Variants in NRG1 observed in about 807,000 individuals in gnomAD.
The protein encoded by NRG1 is neuregulin 1, also known as pro-neuregulin-1, membrane-bound isoform.
Under a neutral mutation model 63.8 loss-of-function variants are expected in NRG1, and 18 were observed. That is an observed-to-expected ratio of 0.28 (90% CI 0.19 to 0.42). The LOEUF (loss-of-function observed/expected upper bound fraction) is 0.42, where lower values mean the gene tolerates loss of function less well. Ranked by LOEUF, NRG1 falls within the 10% of genes least tolerant of loss-of-function variation. The probability of loss-of-function intolerance (pLI) is 1.00; values close to 1 mark genes in which losing one functional copy is unlikely to be tolerated. For synonymous variants in NRG1, 302 were observed against 301.3 expected (o/e 1.00, Z -0.02); for missense variants, 762 against 814.7 (o/e 0.94, Z 0.79).
chr8:31,848,392 G>T (rs906234721), intron 1 of NRG1, among the ~76,000 whole-genome samples: 1 of 152,120 alleles, frequency 6.6e-6, no homozygotes, highest in Admixed American at 6.5e-5. Flanking sequence ...AAGGATCCAT[G>T]GAATTATGAT....
chr8:31,650,752 C>A (rs1301574279), intron 1 of NRG1, among the ~76,000 whole-genome samples: 1 of 143,038 alleles, frequency 7.0e-6, no homozygotes, highest in Non-Finnish European at 1.5e-5. Context: ...TGTCTTGCCT[C>A]ACTGGCAGCC....
chr8:32,127,084 T>C (rs1181048622), intron 1 of NRG1, among the ~76,000 whole-genome samples: 2 of 151,942 alleles, frequency 1.3e-5, no homozygotes, highest in African/African-American at 2.4e-5. Flanking sequence ...CCAATCTGTA[T>C]GTATGTAGTT....
chr8:32,757,145 A>G (rs1829831039), intron 9 of NRG1, among the ~76,000 whole-genome samples: 1 of 152,202 alleles, frequency 6.6e-6, no homozygotes. Context: ...ATAATCATTA[A>G]AATATTTTTT....
intron 1 of NRG1, among the ~76,000 whole-genome samples, chr8:32,342,920 T>G (rs1804257796): frequency 6.6e-6 from 1 of 152,194 alleles, no homozygotes; most frequent in Admixed American, 6.5e-5. Context: ...ACAACACAGA[T>G]GTGGGTGATT....
At chr8:31,925,469 T>A (rs1410484584) in intron 1 of NRG1, among the ~76,000 whole-genome samples, 1 of 152,060 alleles carries the variant, frequency 6.6e-6, no homozygotes, top group Admixed American at 6.5e-5. Flanking sequence ...TTATCGTGCT[T>A]GAGTTTGGTC....
intron 1 of NRG1, among the ~76,000 whole-genome samples, chr8:31,760,692 C>T (rs555871900): frequency 0.012 from 1,877 of 152,200 alleles, 34 homozygotes; most frequent in African/African-American, 0.042. Flanking sequence ...CCAAAAGACG[C>T]ATGAAAAAAT....
chr8:32,694,433 G>T (rs756962225), intron 5 of NRG1, among the ~76,000 whole-genome samples: 27 of 152,146 alleles, frequency 1.8e-4, no homozygotes, highest in Non-Finnish European at 3.2e-4. Context: ...GTCTCGTGAG[G>T]TGCTTCATTT....
At chr8:32,635,328 G>A (rs1851123484) in intron 5 of NRG1, among the ~76,000 whole-genome samples, 2 of 152,174 alleles carry the variant, frequency 1.3e-5, no homozygotes, top group African/African-American at 4.8e-5. Flanking sequence ...TTTGGAAATG[G>A]TAGCTATTTT....
chr8:31,809,105 T>A (rs1431997115), intron 1 of NRG1, among the ~76,000 whole-genome samples: 6 of 151,980 alleles, frequency 3.9e-5, no homozygotes. Context: ...CACATGGCCT[T>A]AGAAATGGGA....
At chr8:32,102,168 C>T (rs1357686555) in intron 1 of NRG1, among the ~76,000 whole-genome samples, 1 of 152,152 alleles carries the variant, frequency 6.6e-6, no homozygotes. Flanking sequence ...GACAGAGTCT[C>T]ACTCTGTTGC....
At chr8:32,431,654 G>A (rs1818164853) in intron 1 of NRG1, among the ~76,000 whole-genome samples, 2 of 151,812 alleles carry the variant, frequency 1.3e-5, no homozygotes, top group Middle Eastern at 3.2e-3. Flanking sequence ...CCCTGTCTGT[G>A]CTTATTTTGT....
chr8:32,028,600 T>A (rs1817814443), intron 1 of NRG1, among the ~76,000 whole-genome samples: 1 of 152,194 alleles, frequency 6.6e-6, no homozygotes, highest in African/African-American at 2.4e-5. Context: ...GTGTACTGAA[T>A]AACTGAATGT....
chr8:32,593,003 A>G (rs1842780626), intron 1 of NRG1, among the ~76,000 whole-genome samples: 1 of 152,202 alleles, frequency 6.6e-6, no homozygotes, highest in Non-Finnish European at 1.5e-5. Flanking sequence ...CATAAAGAAA[A>G]TATTACAAGG....
chr8:32,464,667 G>T (rs1822836589), intron 1 of NRG1, among the ~76,000 whole-genome samples: 1 of 151,030 alleles, frequency 6.6e-6, no homozygotes, highest in African/African-American at 2.4e-5. Context: ...CCAGACCGTG[G>T]TTTTTTTTTG....
Position 32,730,359 on chromosome 8 carries a change from G to C in NRG1, c.632+2281G>C, listed in dbSNP as rs563372892. Among the ~76,000 whole-genome samples the C allele has an allele frequency of 1.3e-4, 20 of 152,178 alleles. 1 individual carries two copies. The highest frequency in any genetic ancestry group is 1.3e-3 in the Admixed American group (20 of 15,284). On this transcript the variant is annotated intron_variant, in intron 6 of 11. Coordinates refer to ENST00000356819, the Ensembl canonical transcript of NRG1. The stretch of plus-strand genomic sequence containing the variant: ...TCCCAACTATTCGGGAGGCTAAGGT[G>C]GGGGGATCACTTGAGCCCGGAAGGT...
At chr8:32,497,318 G>T (rs939871764) in intron 1 of NRG1, among the ~76,000 whole-genome samples, 1 of 151,714 alleles carries the variant, frequency 6.6e-6, no homozygotes, top group African/African-American at 2.4e-5. Flanking sequence ...ATGGTGGCAG[G>T]CACCTGTAAT....
chr8:32,663,588 G>A (rs1056799250), intron 5 of NRG1, among the ~76,000 whole-genome samples: 6 of 152,020 alleles, frequency 3.9e-5, no homozygotes, highest in African/African-American at 7.2e-5. Context: ...CAAATTACTC[G>A]TCAAGTTGCC....
intron 1 of NRG1, among the ~76,000 whole-genome samples, chr8:32,566,585 T>A (rs1043393673): frequency 3.3e-5 from 5 of 152,146 alleles, no homozygotes; most frequent in African/African-American, 1.2e-4. Flanking sequence ...CGTCTATCTC[T>A]AAGGTTTGAG....
chr8:32,231,759 G>A (rs763301955), intron 1 of NRG1, among the ~76,000 whole-genome samples: 3 of 151,870 alleles, frequency 2.0e-5, no homozygotes, highest in Non-Finnish European at 4.4e-5. Flanking sequence ...CAAATTAGCT[G>A]AGTGTGGTGG....
Sources: gnomAD v4.1 joint callset for allele counts (sites outside exome capture counted in the v4.1 genomes callset) on GRCh38, gnomAD v4.1.1 for gene constraint, MANE v1.5 for transcripts, NCBI Gene and HGNC (gene_info 2026-07-23, HGNC 2026-07-21) for gene names.